The following MYO9B variants were observed in gnomAD, a reference collection of about 807,000 sequenced individuals.
MYO9B encodes the protein unconventional myosin-IXb.
In MYO9B, 71 loss-of-function variants were observed where a neutral mutation model predicts 229.5. The observed-to-expected ratio is 0.31, with a 90% CI of 0.26 to 0.38. MYO9B has a LOEUF of 0.38. Ranked by LOEUF, MYO9B falls within the 10% of genes least tolerant of loss-of-function variation. The pLI is 1.00. For missense variants in MYO9B, 2,255 were observed against 2,920.5 expected (o/e 0.77, Z 5.25); for synonymous variants, 1,185 against 1,235.8 (o/e 0.96, Z 0.86).
rs1182917762 is a variant in MYO9B at position 17,188,428 on chromosome 19, CAAAAAAA to C, written c.2688+399_2688+405del. 2.9e-3 allele frequency among the ~76,000 whole-genome samples: 269 copies of C among 92,546 alleles called. 1 individual carries two copies. Among genetic ancestry groups the C allele is most frequent in the Non-Finnish European group, 3.8e-3 (171 of 45,202 alleles). The allele number at this position is 92,546 out of a possible 152,430, so 60.7% of individuals were successfully genotyped here. On this transcript the variant is annotated intron_variant, in intron 19 of 39. Coordinates refer to ENST00000682292, the MANE Select transcript of MYO9B (RefSeq NM_004145.4). Reference sequence around the variant, plus strand: ...TGGGCAACAGAGCAAGACTCCATCTCAAAAAAAAAAAAAAAAAAAAAAGAAGAAACCC... The same window carrying C: ...TGGGCAACAGAGCAAGACTCCATCTCAAAAAAAAAAAAAAAGAAGAAACCC...
chr19:17,098,979 G>GA (rs59245743), intron 1 of MYO9B, among the ~76,000 whole-genome samples: 42 of 137,714 alleles, frequency 3.0e-4, no homozygotes, highest in Admixed American at 6.0e-4. Flanking sequence ...TCTCTCTTAG[G>GA]AAAAAAAAAA....
In MYO9B at chr19:17,172,353, G is replaced by A. The variant is rs746963418; in HGVS notation, c.1811G>A (p.Ser604Asn). 6.2e-7 allele frequency: 1 copy of A among 1,613,944 alleles called. No individual in the cohort carries two copies. Among genetic ancestry groups the A allele is most frequent in the Non-Finnish European group, 8.5e-7 (1 of 1,179,882 alleles). Residue 604 changes from serine to asparagine, a missense_variant, in exon 12 of 40, where the codon AGC becomes AAC. By Grantham distance (46) the Ser-to-Asn change is conservative (BLOSUM62 1). This residue lies in a region of MYO9B where 220 missense variants were observed against 404.5 expected (regional missense o/e 0.54). Coordinates refer to ENST00000682292, the MANE Select transcript of MYO9B (RefSeq NM_004145.4). This position sits in a 1 kb window ranked among gnomAD's most constrained non-coding sequence, Gnocchi z 8.2. ...DEESNFPHAT[S>N]QTLLAKFKQQ... Reference sequence around the variant, plus strand: ...GTTCCCAGCTTCCCCCACGCCACGAGCCAGACCCTGCTGGCCAAGTTCAAA... The same window carrying A: ...GTTCCCAGCTTCCCCCACGCCACGAACCAGACCCTGCTGGCCAAGTTCAAA...
chr19:17,152,577 A>G (rs1216593651), intron 3 of MYO9B, 67 bp from the exon 4 acceptor site: 1 of 1,408,926 alleles, frequency 7.1e-7, no homozygotes, highest in Non-Finnish European at 9.7e-7. Flanking sequence ...AAAAAAAAAA[A>G]CAACTCAATA....
At chr19:17,208,164 A>T (rs2073183800) in intron 35 of MYO9B, among the ~76,000 whole-genome samples, 1 of 150,400 alleles carries the variant, frequency 6.6e-6, no homozygotes, top group Admixed American at 6.6e-5. Flanking sequence ...AAGAAAATTT[A>T]AAAAAATAAA....
At chr19:17,157,163 C>G in intron 7 of MYO9B, 125 bp downstream of exon 7, 1 of 1,185,994 alleles carries the variant, frequency 8.4e-7, no homozygotes. Context: ...GACCTCACGT[C>G]TTCCGCTATC....
At chr19:17,208,442 T>C (rs1249522978) in intron 35 of MYO9B, among the ~76,000 whole-genome samples, 1 of 151,166 alleles carries the variant, frequency 6.6e-6, no homozygotes, top group Non-Finnish European at 1.5e-5. Context: ...ACTTTTTTTT[T>C]TCTTTTTGAG....
intron 30 of MYO9B, 23 bp from the exon 31 acceptor site, chr19:17,205,240 C>T (rs1407920907): frequency 1.2e-5 from 20 of 1,610,704 alleles, no homozygotes; most frequent in Non-Finnish European, 1.6e-5. Flanking sequence ...CCCTCTGTGA[C>T]TCCCACCCTG....
At chr19:17,135,300 G>A (rs1289091186) in intron 2 of MYO9B, among the ~76,000 whole-genome samples, 1 of 152,072 alleles carries the variant, frequency 6.6e-6, no homozygotes, top group Non-Finnish European at 1.5e-5. Flanking sequence ...AAGGAGAGGC[G>A]TTTTTTGGTT....
intron 15 of MYO9B, among the ~76,000 whole-genome samples, chr19:17,181,538 G>A (rs150117600): frequency 2.0e-5 from 3 of 152,344 alleles, no homozygotes; most frequent in Admixed American, 1.3e-4. Flanking sequence ...GTGGGATTGA[G>A]TAGTCTCTGC....
intron 2 of MYO9B, 70 bp from the exon 3 acceptor site, chr19:17,145,327 A>C (rs1168945484): frequency 7.4e-7 from 1 of 1,352,904 alleles, no homozygotes; most frequent in Non-Finnish European, 1.1e-6. Flanking sequence ...CACAGTGTAA[A>C]ATGAGAGGAA....
intron 30 of MYO9B, 58 bp from the exon 31 acceptor site, chr19:17,205,205 C>A: frequency 6.9e-7 from 1 of 1,452,600 alleles, no homozygotes; most frequent in Non-Finnish European, 9.6e-7. Context: ...GGGTGGGTGG[C>A]TGCAGGAATC....
At chr19:17,082,738 G>A (rs2057544608) in intron 1 of MYO9B, among the ~76,000 whole-genome samples, 2 of 152,136 alleles carry the variant, frequency 1.3e-5, no homozygotes, top group Admixed American at 6.5e-5. Context: ...CGGAGAAAGT[G>A]TGATCGTACT....
At chr19:17,111,169 G>T (rs893948075) in intron 2 of MYO9B, among the ~76,000 whole-genome samples, 1 of 152,150 alleles carries the variant, frequency 6.6e-6, no homozygotes, top group Admixed American at 6.6e-5. Flanking sequence ...AGCATTGGGG[G>T]CGTCATCTCA....
At chr19:17,136,363 C>CA (rs1351160774) in intron 2 of MYO9B, among the ~76,000 whole-genome samples, 2 of 151,936 alleles carry the variant, frequency 1.3e-5, no homozygotes, top group Admixed American at 6.6e-5. Flanking sequence ...CAAATAACAA[C>CA]AAAAAACAGT....
At chr19:17,141,263 C>A (rs1291159111) in intron 2 of MYO9B, among the ~76,000 whole-genome samples, 1 of 152,120 alleles carries the variant, frequency 6.6e-6, no homozygotes, top group Non-Finnish European at 1.5e-5. Context: ...CCACCTACCC[C>A]ACCCCCTACA....
rs1386089414 is a variant in MYO9B, at chr19:17,209,507, AC to A, written c.5625-77del. 1.3e-5 allele frequency: 19 copies of A among 1,463,364 alleles called. No homozygotes were observed. In the East Asian group the frequency reaches 4.2e-4, roughly 33 times the overall value. 90.6% of individuals were successfully genotyped at this position (1,463,364 alleles called of 1,614,324 possible). A position where few individuals can be genotyped will look rare whatever the true frequency, so the allele number is the denominator to read the frequency against. ...GAGCCTCAACCACTGCCCCCCAGGC[AC>A]CAGCTAGCATCTCCCTGGACCTCAG... On this transcript the variant is annotated intron_variant, in intron 35 of 39. Transcript: ENST00000682292.
Position 17,207,245 on chromosome 19 carries a change from G to A in MYO9B, c.5624+1G>A, listed in dbSNP as rs1225459296. 1.9e-6 allele frequency: 3 copies of A among 1,593,746 alleles called. No individual in the cohort carries two copies. The highest frequency in any genetic ancestry group is 1.3e-5 in the African/African-American group (1 of 74,524). On this transcript the variant is annotated splice_donor_variant, in intron 35 of 39. Coordinates refer to ENST00000682292, the MANE Select transcript of MYO9B (RefSeq NM_004145.4). LOFTEE classifies it high-confidence loss of function. ...TGAAGGACGTCCTCAAGATCACCAC[G>A]TGAGTGCCCACCCTGCCCCGGAGGC...
At chr19:17,210,401 C>G (rs1158279367) in intron 37 of MYO9B, 21 bp downstream of exon 37, 1 of 1,575,554 alleles carries the variant, frequency 6.3e-7, no homozygotes, top group Non-Finnish European at 8.6e-7. Context: ...GTTCGGTGGG[C>G]CCGCGGTGCA....
intron 3 of MYO9B, 66 bp from the exon 4 acceptor site, chr19:17,152,577 AC>A (rs1348984462): frequency 6.5e-5 from 92 of 1,408,852 alleles, no homozygotes; most frequent in South Asian, 1.9e-4. Context: ...AAAAAAAAAA[AC>A]AACTCAATAT....
Sources: allele counts gnomAD v4.1 joint callset (sites outside exome capture counted in the v4.1 genomes callset), GRCh38; gene constraint gnomAD v4.1.1; regional missense constraint gnomAD v4.1.1; non-coding constraint Gnocchi (gnomAD v3.1); transcripts MANE v1.5; gene names NCBI Gene and HGNC (gene_info 2026-07-23, HGNC 2026-07-21).